Variants in OPCML observed in about 807,000 individuals in gnomAD.
OPCML encodes the protein opioid binding protein/cell adhesion molecule like, also known as opioid-binding protein/cell adhesion molecule.
A neutral mutation model predicts 37.8 loss-of-function variants in OPCML; 13 were observed. That is an observed-to-expected ratio of 0.34 (90% confidence interval 0.22 to 0.55). OPCML has a LOEUF of 0.55. Ranked by LOEUF, OPCML falls within the 20% of genes least tolerant of loss-of-function variation. OPCML has a pLI of 0.91. For synonymous variants in OPCML, 176 were observed against 168.8 expected (o/e 1.04, Z -0.33); for missense variants, 341 against 435.6 (o/e 0.78, Z 1.93).
chr11:133,048,956 A>C (rs1030300196), intron 1 of OPCML, among the ~76,000 whole-genome samples: 1 of 152,242 alleles, frequency 6.6e-6, no homozygotes, highest in Non-Finnish European at 1.5e-5. Context: ...GCTCAATAAC[A>C]GATAAATGTT....
At chr11:133,050,444 T>A (rs142126271) in intron 1 of OPCML, among the ~76,000 whole-genome samples, 2 of 152,300 alleles carry the variant, frequency 1.3e-5, no homozygotes, top group East Asian at 3.9e-4. Context: ...AAAGTTGACC[T>A]CAGTTTCCAA....
intron 4 of OPCML, among the ~76,000 whole-genome samples, chr11:132,478,714 T>C (rs1461541971): frequency 6.6e-6 from 1 of 152,212 alleles, no homozygotes; most frequent in Non-Finnish European, 1.5e-5. Context: ...TTGAGCCTAG[T>C]AAAGTTCTTA....
At chr11:133,014,929 G>A (rs548705649) in intron 1 of OPCML, among the ~76,000 whole-genome samples, 1 of 152,236 alleles carries the variant, frequency 6.6e-6, no homozygotes, top group African/African-American at 2.4e-5. Flanking sequence ...ACAGACAGAA[G>A]AATAGAGGAA....
At chr11:132,824,018 C>A (rs1940149625) in intron 2 of OPCML, among the ~76,000 whole-genome samples, 1 of 152,172 alleles carries the variant, frequency 6.6e-6, no homozygotes, top group Admixed American at 6.5e-5. Flanking sequence ...CCGTAGGGTT[C>A]AATCCTGAAA....
At chr11:132,545,364 G>A (rs1291548981) in intron 3 of OPCML, among the ~76,000 whole-genome samples, 1 of 152,118 alleles carries the variant, frequency 6.6e-6, no homozygotes, top group Admixed American at 6.5e-5. Flanking sequence ...CAGGTTTGAT[G>A]GAGAACATTT....
rs4937700 is a variant in OPCML at position 132,417,434 on chromosome 11, C to T, written c.*2759G>A. 0.49 allele frequency: 74,765 copies of T among 152,028 alleles called. 20,817 individuals are homozygous for T. Among genetic ancestry groups the T allele is most frequent in the African/African-American group, 0.77 (32,136 of 41,466 alleles). 9.4% of individuals were successfully genotyped at this position (152,028 alleles called of 1,614,324 possible). A position where few individuals can be genotyped will look rare whatever the true frequency, so the allele number is the denominator to read the frequency against. On this transcript the variant is annotated 3_prime_UTR_variant, in exon 8 of 8. Coordinates refer to ENST00000524381, the MANE Select transcript of OPCML (RefSeq NM_001012393.5). Reference sequence around the variant, plus strand: ...CAGATGAGGATCAACTGTAGCATTTCTCTCCCTCTGAAACGTGGCTGGGAT... The same window carrying T: ...CAGATGAGGATCAACTGTAGCATTTTTCTCCCTCTGAAACGTGGCTGGGAT...
intron 2 of OPCML, among the ~76,000 whole-genome samples, chr11:132,665,006 G>T (rs1010151844): frequency 6.6e-6 from 1 of 152,158 alleles, no homozygotes; most frequent in African/African-American, 2.4e-5. Context: ...GCCACTCGCT[G>T]GAAAATTGGA....
chr11:132,441,165 G>GGTTTTTTTTTTTTTTTT (rs2096031824), intron 4 of OPCML, among the ~76,000 whole-genome samples: 1 of 72,402 alleles, frequency 1.4e-5, no homozygotes, highest in African/African-American at 1.1e-4. Context: ...GGACTTTTTT[G>GGTTTTTTTTTTTTTTTT]TTTTTTTTTT....
chr11:133,270,174 G>A (rs937600130), intron 1 of OPCML, among the ~76,000 whole-genome samples: 2 of 152,150 alleles, frequency 1.3e-5, no homozygotes, highest in Admixed American at 6.6e-5. Flanking sequence ...TTGTGTTTGT[G>A]TTGGATTGAT....
At chr11:132,546,372 T>C (rs6590639) in intron 3 of OPCML, among the ~76,000 whole-genome samples, 60,105 of 152,036 alleles carry the variant, frequency 0.4, 15,290 homozygotes, top group East Asian at 0.8. Context: ...GATTCTGGTG[T>C]ACCCATCACC....
At chr11:132,508,763 G>A (rs765528509) in intron 4 of OPCML, among the ~76,000 whole-genome samples, 1 of 152,076 alleles carries the variant, frequency 6.6e-6, no homozygotes, top group African/African-American at 2.4e-5. Context: ...TGATTCTAAG[G>A]CCTCCCCAGA....
chr11:133,439,290 ATG>A, intron 1 of OPCML: 1 of 886,882 alleles, frequency 1.1e-6, no homozygotes, highest in Non-Finnish European at 1.3e-6. Context: ...AGAGTAAAAG[ATG>A]TTTTTTTTTT....
chr11:132,765,419 T>C (rs1372876634), intron 2 of OPCML, among the ~76,000 whole-genome samples: 2 of 152,220 alleles, frequency 1.3e-5, no homozygotes, highest in African/African-American at 2.4e-5. Context: ...TCTAGACCTG[T>C]GACATTATCA....
chr11:132,918,565 A>AT (rs1024454334), intron 2 of OPCML, among the ~76,000 whole-genome samples: 1 of 152,146 alleles, frequency 6.6e-6, no homozygotes, highest in African/African-American at 2.4e-5. Flanking sequence ...GGGGTCTTTG[A>AT]TTTTTTTAAG....
intron 1 of OPCML, among the ~76,000 whole-genome samples, chr11:133,222,972 T>G (rs964515583): frequency 1.6e-4 from 24 of 152,080 alleles, no homozygotes; most frequent in African/African-American, 5.6e-4. Context: ...ACATTTAGAT[T>G]TCGCTTGCAG....
At chr11:133,075,864 C>G (rs116867176) in intron 1 of OPCML, among the ~76,000 whole-genome samples, 2,190 of 152,302 alleles carry the variant, frequency 0.014, 24 homozygotes, top group Non-Finnish European at 0.023. Flanking sequence ...GAATCTGCAG[C>G]AATCAAACCT....
intron 1 of OPCML, among the ~76,000 whole-genome samples, chr11:133,246,935 C>T (rs768863555): frequency 2.0e-5 from 3 of 152,162 alleles, no homozygotes; most frequent in Non-Finnish European, 4.4e-5. Flanking sequence ...CAGTGGCTTG[C>T]ATTGACTTCC....
chr11:133,448,053 G>A (rs576674329), intron 1 of OPCML, among the ~76,000 whole-genome samples: 35 of 152,252 alleles, frequency 2.3e-4, no homozygotes, highest in Non-Finnish European at 4.3e-4. Context: ...AAAGTCCAAT[G>A]TATTATTTTT....
intron 1 of OPCML, among the ~76,000 whole-genome samples, chr11:133,162,958 G>T (rs148366988): frequency 1.3e-5 from 2 of 152,176 alleles, no homozygotes; most frequent in African/African-American, 4.8e-5. Context: ...GCCACCTTGG[G>T]CCTCTGCTTA....
Sources: gnomAD v4.1 joint callset for allele counts (sites outside exome capture counted in the v4.1 genomes callset) on GRCh38, gnomAD v4.1.1 for gene constraint, MANE v1.5 for transcripts, NCBI Gene and HGNC (gene_info 2026-07-23, HGNC 2026-07-21) for gene names.